AQP6: variants seen among roughly 807,000 people sequenced by gnomAD.
AQP6 encodes the protein aquaporin 6.
AQP6 carries 14 observed loss-of-function variants against 16.3 expected under a neutral mutation model. The ratio of observed to expected loss-of-function variants is 0.86; its 90% confidence interval spans 0.57 to 1.34. The LOEUF (loss-of-function observed/expected upper bound fraction) is 1.34, where lower values mean the gene tolerates loss of function less well. Among genes scored for constraint, AQP6 ranks in the 40% most tolerant of loss-of-function variants. AQP6 has a pLI of 0.00. For synonymous variants in AQP6, 178 were observed against 166.8 expected, an observed-to-expected ratio of 1.07 and a Z score of -0.52; for missense variants, 331 against 379.7, an observed-to-expected ratio of 0.87 and a Z score of 1.07.
In AQP6 at chr12:49,973,388, T is replaced by C. The variant is rs1425956477; in HGVS notation, c.215T>C (p.Val72Ala). 3 of 1,613,062 alleles carry C rather than the reference T, an allele frequency of 1.9e-6. No individual in the cohort carries two copies. In the African/African-American group the frequency reaches 4.0e-5, roughly 22 times the overall value. ...FNLVTAMAVQ[V>A]TWKASGAHAN... is the part of the protein sequence containing the mutation. ...CTGGTCACCGCCATGGCTGTGCAGG[T>C]CACCTGGAAGGCCAGCGGGGCCCAC... Residue 72 changes from valine (V) to alanine (A), a missense_variant, in exon 1 of 4, where the codon GTC (valine) becomes GCC (alanine). By Grantham distance (64) the Val-to-Ala change is moderately conservative. Coordinates refer to ENST00000315520, the MANE Select transcript of AQP6 (RefSeq NM_001652.4).
chr12:49,974,435 C>T lies in AQP6; in HGVS notation c.514C>T (p.Pro172Ser), dbSNP rs755001261. ...CGACAGCCGTCAGACATCAGGCTCC[C>T]CGGCCACCATGATTGGGATCTCTGT... Reference protein sequence around the residue: ...STDSRQTSGSPATMIGISVAL... With the variant: ...STDSRQTSGSSATMIGISVAL... The change falls in exon 2 of 4, where the codon CCG (proline) becomes TCG (serine). Residue 172 changes from proline (P) to serine (S), a missense_variant. Coordinates refer to ENST00000315520, the MANE Select transcript of AQP6 (RefSeq NM_001652.4). 6.2e-7 allele frequency: 1 copy of T among 1,613,478 alleles called. No individual in the cohort carries two copies. The highest frequency in any genetic ancestry group is 1.6e-4 in the Middle Eastern group (1 of 6,062).
chr12:49,973,775 C>T lies in AQP6; in HGVS notation c.402+200C>T, dbSNP rs148448455. The T allele has an allele frequency of 1.5e-5, 16 of 1,070,410 alleles. No individual in the cohort carries two copies. The African/African-American group carries it at 1.9e-4, about 13-fold the overall frequency. The allele number at this position is 1,070,410 out of a possible 1,614,324, so 66.3% of individuals were successfully genotyped here. The stretch of plus-strand genomic sequence containing the variant: ...AGGCAGAATAGAAATGGGATAGTGG[C>T]GCGAAGAACAGGTGGAGAAGGAAGA... On this transcript the variant is annotated intron_variant, in intron 1 of 3. Transcript: ENST00000315520.
chr12:49,975,543 AC>A lies in AQP6; in HGVS notation c.724del (p.Leu242TrpfsTer12). 6.2e-7 allele frequency: 1 copy of A among 1,613,464 alleles called. No homozygotes were observed. The highest frequency in any genetic ancestry group is 8.5e-7 in the Non-Finnish European group (1 of 1,179,800). On this transcript the variant is annotated frameshift_variant, in exon 4 of 4. Transcript: ENST00000315520. LOFTEE classifies it low-confidence loss of function (END_TRUNC). This position sits in a 1 kb window ranked among gnomAD's most constrained non-coding sequence, Gnocchi z 4.4. ...CTTCGTCCTGTTCCCCGACACCAAG[AC>A]CCTGGCGCAGCGGCTGGCTATCCTC... ...YNFVLFPDTK[T>X]LAQRLAILTG...
chr12:49,975,238 T>C lies in AQP6; in HGVS notation c.643-227T>C. On this transcript the variant is annotated intron_variant, in intron 3 of 3. Coordinates refer to ENST00000315520, the MANE Select transcript of AQP6 (RefSeq NM_001652.4). This position sits in a 1 kb window ranked among gnomAD's most constrained non-coding sequence, Gnocchi z 4.4. ...ACTGGCCCCAGGCCCCAGCCACGGC[T>C]GCAGAGCCTGGGCTCAGCCCCAGGG... 1 of 1,331,724 alleles carries C rather than the reference T, an allele frequency of 7.5e-7. No individual in the cohort carries two copies. The highest frequency in any genetic ancestry group is 2.8e-4 in the Middle Eastern group (1 of 3,538). 82.5% of individuals were successfully genotyped at this position (1,331,724 alleles called of 1,614,324 possible). A position where few individuals can be genotyped will look rare whatever the true frequency, so the allele number is the denominator to read the frequency against.
chr12:49,976,951 T>G lies in AQP6; in HGVS notation c.*1280T>G, dbSNP rs767121863. 4.3e-5 allele frequency: 30 copies of G among 701,076 alleles called. No individual in the cohort carries two copies. Among genetic ancestry groups the G allele is most frequent in the South Asian group, 3.4e-4 (23 of 67,068 alleles). 43.4% of individuals were successfully genotyped at this position (701,076 alleles called of 1,614,324 possible). On this transcript the variant is annotated 3_prime_UTR_variant, in exon 4 of 4. Transcript: ENST00000315520. The stretch of plus-strand genomic sequence containing the variant: ...AAGACTACCAAAATCTAAGTTGGTT[T>G]AATAGTTAAAAGCTGCTGTAGATTT...
chr12:49,973,435 G>T lies in AQP6; in HGVS notation c.262G>T (p.Ala88Ser). The T allele has an allele frequency of 1.9e-6, 3 of 1,613,444 alleles. No homozygotes were observed. The highest frequency in any genetic ancestry group is 2.5e-6 in the Non-Finnish European group (3 of 1,180,030). ...CCACGCCAACCCCGCCGTGACGCTGGCCTTCCTCGTAGGCTCCCACATCTC... is the reference window on the plus strand; with the variant it reads ...CCACGCCAACCCCGCCGTGACGCTGTCCTTCCTCGTAGGCTCCCACATCTC... ...GAHANPAVTL[A>S]FLVGSHISLP... The change falls in exon 1 of 4, where the codon GCC becomes TCC. Residue 88 changes from alanine to serine, a missense_variant. Coordinates refer to ENST00000315520, the MANE Select transcript of AQP6 (RefSeq NM_001652.4).
At position 49,976,823 on chromosome 12, in the gene AQP6, G is replaced by A; in HGVS notation, c.*1152G>A. The A allele has an allele frequency of 1.7e-6, 1 of 596,230 alleles. No homozygotes were observed. The highest frequency in any genetic ancestry group is 2.1e-5 in the South Asian group (1 of 48,428). The allele number at this position is 596,230 out of a possible 1,614,324, so 36.9% of individuals were successfully genotyped here. On this transcript the variant is annotated 3_prime_UTR_variant, in exon 4 of 4. Coordinates refer to ENST00000315520, the MANE Select transcript of AQP6 (RefSeq NM_001652.4). ...CAAAGAAGCCGTCTCCAGGCTCTCTGTCAGCATTACAGGATCCCCAGAAAG... is the reference window on the plus strand; with the variant it reads ...CAAAGAAGCCGTCTCCAGGCTCTCTATCAGCATTACAGGATCCCCAGAAAG...
intron 1 of AQP6, chr12:49,973,778 G>A (rs576319301): frequency 6.8e-5 from 74 of 1,093,680 alleles, no homozygotes; most frequent in Middle Eastern, 2.3e-4. Context: ...ATAGTGGCGC[G>A]AAGAACAGGT....
chr12:49,974,282 G>A (rs773718080), intron 1 of AQP6, 42 bp from the exon 2 acceptor site: 1 of 1,486,550 alleles, frequency 6.7e-7, no homozygotes, highest in Non-Finnish European at 9.0e-7. Context: ...TCTGTCCGTG[G>A]GCAGAGCCCG....
rs542049484 is a variant in AQP6 at position 49,974,289 on chromosome 12, C to T, written c.403-35C>T. 2.7e-6 allele frequency: 4 copies of T among 1,495,836 alleles called. No homozygotes were observed. In the East Asian group the frequency reaches 7.0e-5, roughly 26 times the overall value. 92.7% of individuals were successfully genotyped at this position (1,495,836 alleles called of 1,614,324 possible). ...TTTCTCTGTCTGTCCGTGGGCAGAG[C>T]CCGCGTCTGGTCCAGAGTAACTCCC... On this transcript the variant is annotated intron_variant, in intron 1 of 3. Transcript: ENST00000315520.
In AQP6 at chr12:49,974,329, G is replaced by A. The variant is rs200671872; in HGVS notation, c.408G>A (p.Arg136=). ...IRETLGINVV[R]NSVSTGQAVA... is the part of the protein sequence containing the mutation. ...GAGTAACTCCCTCTGTCCAGGTCCG[G>A]AACAGTGTCTCAACTGGCCAGGCGG... The change falls in exon 2 of 4, where the codon CGG becomes CGA. Residue 136 remains arginine (R), a synonymous_variant. Transcript: ENST00000315520. 5 of 1,575,600 alleles carry A rather than the reference G, an allele frequency of 3.2e-6. 1 individual carries two copies. Among genetic ancestry groups the A allele is most frequent in the African/African-American group, 1.4e-5 (1 of 74,062 alleles).
In AQP6 at chr12:49,975,823, T is replaced by A; in HGVS notation, c.*152T>A. The A allele has an allele frequency of 9.3e-7, 1 of 1,073,480 alleles. No homozygotes were observed. Among genetic ancestry groups the A allele is most frequent in the Non-Finnish European group, 1.2e-6 (1 of 801,906 alleles). The allele number at this position is 1,073,480 out of a possible 1,614,324, so 66.5% of individuals were successfully genotyped here. On this transcript the variant is annotated 3_prime_UTR_variant, in exon 4 of 4. Transcript: ENST00000315520. The surrounding 1 kb of genome is among the most constrained non-coding windows in gnomAD (Gnocchi z 4.4). ...AGCCCTATCCCTGGCATTACGTTTC[T>A]AGGTAGAATCTGGGAGTGAATTTGT...
Position 49,975,066 on chromosome 12 carries a change from C to T in AQP6, c.642+240C>T. 2 of 1,352,004 alleles carry T rather than the reference C, an allele frequency of 1.5e-6. No homozygotes were observed. Among genetic ancestry groups the T allele is most frequent in the Non-Finnish European group, 1.9e-6 (2 of 1,055,676 alleles). 83.8% of individuals were successfully genotyped at this position (1,352,004 alleles called of 1,614,324 possible). On this transcript the variant is annotated intron_variant, in intron 3 of 3. Transcript: ENST00000315520. The surrounding 1 kb of genome is among the most constrained non-coding windows in gnomAD (Gnocchi z 4.4). ...TCCTGGCTGTTTCCTTATTCACTTT[C>T]TCCAGCTGGACCAATTTTCAAACTT...
In AQP6 at chr12:49,975,687, G is replaced by A. The variant is rs924330881; in HGVS notation, c.*16G>A. On this transcript the variant is annotated 3_prime_UTR_variant, in exon 4 of 4. Transcript: ENST00000315520. This position sits in a 1 kb window ranked among gnomAD's most constrained non-coding sequence, Gnocchi z 4.4. ...GAGTGTGTGAAACAGCCTACGCCTG[G>A]CCGCGCCCTTGGGCTTCCTGCCTTG... 7 of 1,513,964 alleles carry A rather than the reference G, an allele frequency of 4.6e-6. No homozygotes were observed. Among genetic ancestry groups the A allele is most frequent in the Non-Finnish European group, 6.2e-6 (7 of 1,136,246 alleles). 93.8% of individuals were successfully genotyped at this position (1,513,964 alleles called of 1,614,324 possible).
rs939291052 is a variant in AQP6 at position 49,972,992 on chromosome 12, A to G, written c.-182A>G. The G allele has an allele frequency of 9.6e-6, 8 of 837,694 alleles. No individual in the cohort carries two copies. Among genetic ancestry groups the G allele is most frequent in the Non-Finnish European group, 1.3e-5 (7 of 556,790 alleles). The allele number at this position is 837,694 out of a possible 1,614,324, so 51.9% of individuals were successfully genotyped here. A position where few individuals can be genotyped will look rare whatever the true frequency, so the allele number is the denominator to read the frequency against. On this transcript the variant is annotated 5_prime_UTR_variant, in exon 1 of 4. Transcript: ENST00000315520. ...CCGCCTGCGCCCTGCCAGTCTGACC[A>G]GCACAGTCCTGGGGACAGGAGCGTG...
intron 2 of AQP6, 111 bp downstream of exon 2, chr12:49,974,593 G>T: frequency 7.0e-7 from 1 of 1,433,304 alleles, no homozygotes; most frequent in African/African-American, 1.4e-5. Context: ...TCGTGCCTTG[G>T]AGCCAAAGTG....
At chr12:49,973,928 C>A in intron 1 of AQP6, 2 of 1,186,098 alleles carry the variant, frequency 1.7e-6, no homozygotes, top group South Asian at 3.3e-5. Flanking sequence ...GCTCCACCCA[C>A]GTCCTCTGCT....
In AQP6 at chr12:49,974,765, C is replaced by T. The variant is rs1947559116; in HGVS notation, c.581C>T (p.Ser194Phe). 6.2e-7 allele frequency: 1 copy of T among 1,614,192 alleles called. No individual in the cohort carries two copies. Among genetic ancestry groups the T allele is most frequent in the Non-Finnish European group, 8.5e-7 (1 of 1,180,022 alleles). The change falls in exon 3 of 4, where the codon TCC (serine) becomes TTC (phenylalanine). Residue 194 changes from serine (S) to phenylalanine (F), a missense_variant. Physicochemically the swap from Ser to Phe is radical, Grantham distance 155. Coordinates refer to ENST00000315520, the MANE Select transcript of AQP6 (RefSeq NM_001652.4). ...CCCCAGATCCACTTCACTGGCTGCT[C>T]CATGAATCCAGCCCGCTCCTTCGGC... The part of the protein sequence containing the change: ...HLIGIHFTGC[S>F]MNPARSFGPA...
At chr12:49,973,629 G>T in intron 1 of AQP6, 54 bp downstream of exon 1, 1 of 1,516,894 alleles carries the variant, frequency 6.6e-7, no homozygotes. Context: ...GCGCACAAGT[G>T]GTGAAGGTGG....
Sources: allele counts gnomAD v4.1 joint callset, GRCh38; gene constraint gnomAD v4.1.1; non-coding constraint Gnocchi (gnomAD v3.1); transcripts MANE v1.5; gene names NCBI Gene and HGNC (gene_info 2026-07-23, HGNC 2026-07-21).